Variants in ILDR2 observed in about 807,000 individuals in gnomAD.
ILDR2 encodes the protein immunoglobulin-like domain-containing receptor 2.
ILDR2 carries 25 observed loss-of-function variants against 66.8 expected under a neutral mutation model. That is an observed-to-expected ratio of 0.37 (90% confidence interval 0.27 to 0.52). The LOEUF (loss-of-function observed/expected upper bound fraction) is 0.52. Ranked by LOEUF, ILDR2 falls within the 20% of genes least tolerant of loss-of-function variation. ILDR2 has a pLI of 0.88. For synonymous variants in ILDR2, 367 were observed against 357.2 expected (o/e 1.03, Z -0.31); for missense variants, 827 against 876.8 (o/e 0.94, Z 0.72).
chr1:166,966,568 A>C (rs887868435), intron 1 of ILDR2, among the ~76,000 whole-genome samples: 2 of 152,128 alleles, frequency 1.3e-5, no homozygotes, highest in African/African-American at 2.4e-5. Context: ...GCTATTCATC[A>C]AGCATATTTT....
intron 1 of ILDR2, among the ~76,000 whole-genome samples, chr1:166,961,648 G>T (rs947124728): frequency 1.3e-5 from 2 of 152,138 alleles, no homozygotes; most frequent in African/African-American, 4.8e-5. Context: ...AAGTAAGATT[G>T]TATCCTAAGT....
intron 3 of ILDR2, among the ~76,000 whole-genome samples, chr1:166,954,426 A>G (rs996986957): frequency 6.6e-6 from 1 of 152,208 alleles, no homozygotes; most frequent in Non-Finnish European, 1.5e-5. Flanking sequence ...GGACTCAGAA[A>G]AATTTTTGTA....
rs771967478 is a variant in ILDR2, at chr1:166,939,557, C to T, written c.513G>A (p.Leu171=). 4.3e-6 allele frequency: 7 copies of T among 1,613,872 alleles called. No homozygotes were observed. Among genetic ancestry groups the T allele is most frequent in the Non-Finnish European group, 5.1e-6 (6 of 1,179,754 alleles). ...CAAAACTGGGCAAGAGATCAGCAAG[C>T]AGCCCTGTCCTGCCTAGAAGAAGTG... ...VELLVLGRTG[L]LADLLPSFAV... is the part of the protein sequence containing the mutation. The change falls in exon 4 of 10, where the codon CTG becomes CTA. Residue 171 remains leucine, a synonymous_variant. Transcript: ENST00000271417.
chr1:166,951,075 A>G (rs1329791857), intron 3 of ILDR2, among the ~76,000 whole-genome samples: 1 of 152,250 alleles, frequency 6.6e-6, no homozygotes, highest in African/African-American at 2.4e-5. Flanking sequence ...ACAAATTGCC[A>G]GAGTTTCCTT....
At chr1:166,899,148 T>G (rs1432909541) in intron 2 of ILDR2, among the ~76,000 whole-genome samples, 1 of 151,888 alleles carries the variant, frequency 6.6e-6, no homozygotes, top group Non-Finnish European at 1.5e-5. Flanking sequence ...TCCCAGCACT[T>G]TAGGAGGCCA....
At chr1:166,960,124 T>C (rs1295921557) in intron 1 of ILDR2, among the ~76,000 whole-genome samples, 1 of 152,234 alleles carries the variant, frequency 6.6e-6, no homozygotes, top group Non-Finnish European at 1.5e-5. Context: ...CCAATGTCTC[T>C]ATTCAATGAA....
intron 3 of ILDR2, among the ~76,000 whole-genome samples, chr1:166,952,871 C>T (rs1662065384): frequency 6.6e-6 from 1 of 152,056 alleles, no homozygotes; most frequent in Admixed American, 6.6e-5. Context: ...TGAGTTTGAT[C>T]GATGACACTT....
chr1:166,921,531 C>T lies in ILDR2; in HGVS notation c.1212-152G>A. On this transcript the variant is annotated intron_variant, in intron 8 of 9. Coordinates refer to ENST00000271417, the MANE Select transcript of ILDR2 (RefSeq NM_199351.3). This position sits in a 1 kb window ranked among gnomAD's most constrained non-coding sequence, Gnocchi z 5.3. ...TCCAGGCTGGATGAAGCATTCCAGGCTCCTCTCACACCCCAGAACGTCAAG... is the reference window on the plus strand; with the variant it reads ...TCCAGGCTGGATGAAGCATTCCAGGTTCCTCTCACACCCCAGAACGTCAAG... 1.5e-6 allele frequency: 1 copy of T among 646,064 alleles called. No homozygotes were observed. Among genetic ancestry groups the T allele is most frequent in the Non-Finnish European group, 2.6e-6 (1 of 387,336 alleles). The allele number at this position is 646,064 out of a possible 1,614,324, so 40.0% of individuals were successfully genotyped here.
chr1:166,923,737 T>C (rs1239520021), intron 7 of ILDR2, among the ~76,000 whole-genome samples: 3 of 152,170 alleles, frequency 2.0e-5, no homozygotes, highest in Admixed American at 2.0e-4. Context: ...AGGACCAGAA[T>C]CACAGTCTGG....
intron 3 of ILDR2, among the ~76,000 whole-genome samples, chr1:166,943,504 A>C (rs1661440561): frequency 6.6e-6 from 1 of 151,180 alleles, no homozygotes; most frequent in Non-Finnish European, 1.5e-5. Context: ...AAAAAAAAAA[A>C]AAAAAAAAAA....
At chr1:166,939,722 G>A (rs1343932998) in intron 3 of ILDR2, 152 bp from the exon 4 acceptor site, 11 of 640,944 alleles carry the variant, frequency 1.7e-5, no homozygotes, top group Non-Finnish European at 2.8e-5. Context: ...GCTAGGCTGA[G>A]ACAAGAGAAT....
intron 6 of ILDR2, among the ~76,000 whole-genome samples, chr1:166,932,542 T>A (rs189441063): frequency 6.6e-6 from 1 of 151,762 alleles, no homozygotes; most frequent in Non-Finnish European, 1.5e-5. Flanking sequence ...CAGGGCGGAG[T>A]GTGGGTGTTC....
chr1:166,957,569 T>G (rs940498516), intron 2 of ILDR2, among the ~76,000 whole-genome samples, 200 bp downstream of exon 2: 3 of 152,094 alleles, frequency 2.0e-5, no homozygotes, highest in Non-Finnish European at 4.4e-5. Context: ...TCAGGAGATT[T>G]TACACGATCC....
chr1:166,937,725 C>T (rs1465129873), intron 4 of ILDR2, among the ~76,000 whole-genome samples: 1 of 152,172 alleles, frequency 6.6e-6, no homozygotes, highest in African/African-American at 2.4e-5. Context: ...GCTACAGGAC[C>T]CAACTTCCCC....
In ILDR2 at chr1:166,936,533, G is replaced by A. The variant is rs771613984; in HGVS notation, c.703+58C>T. On this transcript the variant is annotated intron_variant, in intron 5 of 9. Transcript: ENST00000271417. The surrounding 1 kb of genome is among the most constrained non-coding windows in gnomAD (Gnocchi z 5.0). ...GGAACCCAGCGCACACAGCTGTCAG[G>A]TAGAGAGGTAGACATTTCTCTCGAT... 3.2e-5 allele frequency: 51 copies of A among 1,610,644 alleles called. No individual in the cohort carries two copies. The highest frequency in any genetic ancestry group is 4.2e-5 in the Non-Finnish European group (50 of 1,178,086).
Position 166,917,049 on chromosome 1 carries a change from GA to G in ILDR2, c.*2305del, listed in dbSNP as rs1237679746. ...GTTGAAATCCAAAGCTGGTGACTAA[GA>G]AATGTTTTTTATCATCTTTTCCATC... is the stretch of plus-strand genomic sequence containing the variant. On this transcript the variant is annotated 3_prime_UTR_variant, in exon 10 of 10. Transcript: ENST00000271417. 6.6e-6 allele frequency: 1 copy of G among 152,236 alleles called. No homozygotes were observed. The highest frequency in any genetic ancestry group is 1.5e-5 in the Non-Finnish European group (1 of 68,058). The allele number at this position is 152,236 out of a possible 1,614,324, so 9.4% of individuals were successfully genotyped here. A position where few individuals can be genotyped will look rare whatever the true frequency, so the allele number is the denominator to read the frequency against.
downstream of ILDR2, among the ~76,000 whole-genome samples, chr1:166,905,572 G>A (rs547584854): frequency 2.0e-5 from 3 of 152,260 alleles, no homozygotes; most frequent in Admixed American, 2.0e-4. Flanking sequence ...ACCTCGACAG[G>A]ATGTTTTCCA....
intron 3 of ILDR2, 64 bp downstream of exon 3, chr1:166,956,669 G>A: frequency 1.9e-6 from 3 of 1,578,400 alleles, no homozygotes; most frequent in Non-Finnish European, 2.6e-6. Context: ...GTGAGAAGAG[G>A]GATAGGATAC....
chr1:166,958,015 A>G lies in ILDR2; in HGVS notation c.133T>C (p.Ser45Pro). ...ACTGCAGGCTGATGGGAGGATGTTG[A>G]GAAGTGGCAGCGAAGCACAGTGGGC... ...FQPTVLRCHF[S>P]TSSHQPAVVQ... The change falls in exon 2 of 10, where the codon TCA (serine) becomes CCA (proline). Residue 45 changes from serine to proline, a missense_variant. Ser to Pro is a moderately conservative substitution (Grantham distance 74). Coordinates refer to ENST00000271417, the MANE Select transcript of ILDR2 (RefSeq NM_199351.3). 1.2e-6 allele frequency: 2 copies of G among 1,614,102 alleles called. No individual in the cohort carries two copies. The highest frequency in any genetic ancestry group is 1.7e-6 in the Non-Finnish European group (2 of 1,180,014).
Sources: allele counts gnomAD v4.1 joint callset (sites outside exome capture counted in the v4.1 genomes callset), GRCh38; gene constraint gnomAD v4.1.1; non-coding constraint Gnocchi (gnomAD v3.1); transcripts MANE v1.5; gene names NCBI Gene and HGNC (gene_info 2026-07-23, HGNC 2026-07-21).